ATP2B4: variants seen among roughly 807,000 people sequenced by gnomAD.
ATP2B4 encodes ATPase plasma membrane Ca2+ transporting 4, also known as plasma membrane calcium-transporting ATPase 4.
Under a neutral mutation model 110.3 loss-of-function variants are expected in ATP2B4, and 39 were observed. The observed-to-expected ratio is 0.35, with a 90% CI of 0.27 to 0.46. The LOEUF is 0.46. Among genes scored for constraint, ATP2B4 ranks in the 20% least tolerant of loss-of-function variants. The pLI, the probability that ATP2B4 is intolerant of heterozygous loss-of-function variation, is 1.00. For synonymous variants in ATP2B4, 538 were observed against 571.7 expected (o/e 0.94, Z 0.84); for missense variants, 1,135 against 1,530.9 (o/e 0.74, Z 4.32).
intron 1 of ATP2B4, among the ~76,000 whole-genome samples, chr1:203,636,028 T>C (rs1247912075): frequency 6.6e-6 from 1 of 152,192 alleles, no homozygotes; most frequent in East Asian, 1.9e-4. Flanking sequence ...TCTCCCACCA[T>C]GCCATGGGGC....
In ATP2B4 at chr1:203,709,352, T is replaced by G. The variant is rs1665938271; in HGVS notation, c.1609T>G (p.Cys537Gly). 6.2e-7 allele frequency: 1 copy of G among 1,613,920 alleles called. No individual in the cohort carries two copies. The change falls in exon 11 of 21, where the codon TGT becomes GGT. Residue 537 changes from cysteine (C) to glycine (G), a missense_variant. Physicochemically the swap from Cys to Gly is radical, Grantham distance 159 (BLOSUM62 -3). Transcript: ENST00000357681. ...LPRQVGNKTE[C>G]ALLGFVTDLK... Reference sequence around the variant, plus strand: ...TCGGCAGGTGGGCAACAAGACCGAGTGTGCTCTGCTAGGCTTTGTCACAGA... The same window carrying G: ...TCGGCAGGTGGGCAACAAGACCGAGGGTGCTCTGCTAGGCTTTGTCACAGA...
intron 1 of ATP2B4, among the ~76,000 whole-genome samples, chr1:203,653,985 A>ATATTTT (rs1426863910): frequency 2.7e-5 from 3 of 112,442 alleles, no homozygotes; most frequent in African/African-American, 1.2e-4. Flanking sequence ...ATATATATAT[A>ATATTTT]TTTTTTTTTT....
rs142849265 is a variant in ATP2B4 at position 203,711,412 on chromosome 1, A to G, written c.2031+304A>G. On this transcript the variant is annotated intron_variant, in intron 12 of 20. Coordinates refer to ENST00000357681, the MANE Select transcript of ATP2B4 (RefSeq NM_001684.5). Reference sequence around the variant, plus strand: ...GTCTTTAGCTCCCTCCTTTCAATCAACACATTCTTTTTGAGTACCTGCTGT... The same window carrying G: ...GTCTTTAGCTCCCTCCTTTCAATCAGCACATTCTTTTTGAGTACCTGCTGT... Among the ~76,000 whole-genome samples, 291 of 152,266 alleles carry G rather than the reference A, an allele frequency of 1.9e-3. 1 individual carries two copies. Among genetic ancestry groups the G allele is most frequent in the African/African-American group, 6.6e-3 (276 of 41,556 alleles).
At chr1:203,679,977 C>A (rs1233562276) in intron 1 of ATP2B4, among the ~76,000 whole-genome samples, 1 of 151,440 alleles carries the variant, frequency 6.6e-6, no homozygotes, top group African/African-American at 2.4e-5. Context: ...GGGAGAATCA[C>A]TTGAACCTGG....
intron 1 of ATP2B4, among the ~76,000 whole-genome samples, chr1:203,670,272 C>T (rs780826496): frequency 2.6e-5 from 4 of 151,968 alleles, no homozygotes; most frequent in African/African-American, 9.7e-5. Flanking sequence ...TCCATCTTCC[C>T]GGTTCAAGTG....
At chr1:203,668,820 G>A (rs1020896562) in intron 1 of ATP2B4, among the ~76,000 whole-genome samples, 2 of 152,198 alleles carry the variant, frequency 1.3e-5, no homozygotes, top group Non-Finnish European at 2.9e-5. Context: ...AATCCAATTA[G>A]GCTGTCCCTG....
intron 2 of ATP2B4, among the ~76,000 whole-genome samples, chr1:203,686,685 C>CTTTT (rs779048789): frequency 0.011 from 459 of 42,756 alleles, 59 homozygotes; most frequent in African/African-American, 0.042. Context: ...TCTTTTCTTT[C>CTTTT]TTTTTTTTTT....
intron 20 of ATP2B4, among the ~76,000 whole-genome samples, chr1:203,734,084 G>C (rs1297000971): frequency 6.6e-6 from 1 of 152,128 alleles, no homozygotes; most frequent in African/African-American, 2.4e-5. Flanking sequence ...AGCAGATCAC[G>C]AGGTCAGGAG....
At chr1:203,631,729 A>C (rs1202562297) in intron 1 of ATP2B4, among the ~76,000 whole-genome samples, 1 of 152,182 alleles carries the variant, frequency 6.6e-6, no homozygotes, top group Non-Finnish European at 1.5e-5. Context: ...TCCTACGTCT[A>C]GGAATTTATC....
chr1:203,655,919 T>C (rs976707301), intron 1 of ATP2B4, among the ~76,000 whole-genome samples: 2 of 152,022 alleles, frequency 1.3e-5, no homozygotes, highest in African/African-American at 4.8e-5. Flanking sequence ...TTTGTTTTGT[T>C]TCTGAGACGG....
Position 203,720,602 on chromosome 1 carries a change from T to C in ATP2B4, c.2460T>C (p.Asp820=). Residue 820 remains aspartate (D), a synonymous_variant, in exon 16 of 21, where the codon GAT becomes GAC. Coordinates refer to ENST00000357681, the MANE Select transcript of ATP2B4 (RefSeq NM_001684.5). ...AGGCTTCAGACATCATCCTAACAGA[T>C]GACAACTTCACCAGCATTGTGAAGG... ...AKEASDIILT[D]DNFTSIVKAV... 1 of 1,613,922 alleles carries C rather than the reference T, an allele frequency of 6.2e-7. No homozygotes were observed. Among genetic ancestry groups the C allele is most frequent in the Non-Finnish European group, 8.5e-7 (1 of 1,179,838 alleles).
rs1462037110 is a variant in ATP2B4 at position 203,682,904 on chromosome 1, T to C, written c.-302T>C. ...GTCTAAGCTAGGAACCTACCTACCCTGGACAACTACTATCATCACCACCTG... is the reference window on the plus strand; with the variant it reads ...GTCTAAGCTAGGAACCTACCTACCCCGGACAACTACTATCATCACCACCTG... On this transcript the variant is annotated 5_prime_UTR_variant, in exon 2 of 21. Coordinates refer to ENST00000357681, the MANE Select transcript of ATP2B4 (RefSeq NM_001684.5). The C allele has an allele frequency of 5.8e-5, 16 of 277,608 alleles. No homozygotes were observed. The highest frequency in any genetic ancestry group is 1.1e-4 in the Non-Finnish European group (16 of 145,894). 17.2% of individuals were successfully genotyped at this position (277,608 alleles called of 1,614,324 possible). A position where few individuals can be genotyped will look rare whatever the true frequency, so the allele number is the denominator to read the frequency against.
chr1:203,656,380 G>A (rs1167816457), intron 1 of ATP2B4, among the ~76,000 whole-genome samples: 6 of 152,002 alleles, frequency 3.9e-5, no homozygotes, highest in African/African-American at 1.5e-4. Flanking sequence ...GATTCAAGTA[G>A]AAAACAGTGC....
chr1:203,733,418 A>G, intron 20 of ATP2B4: 1 of 1,594,398 alleles, frequency 6.3e-7, no homozygotes, highest in Non-Finnish European at 8.6e-7. Context: ...ATAGTCTATT[A>G]TGATGCATGA....
At chr1:203,735,710 C>T (rs1348578765) in intron 20 of ATP2B4, among the ~76,000 whole-genome samples, 2 of 152,140 alleles carry the variant, frequency 1.3e-5, no homozygotes, top group African/African-American at 4.8e-5. Context: ...TAAGTCTTGC[C>T]CTGCAAGTAT....
intron 1 of ATP2B4, among the ~76,000 whole-genome samples, chr1:203,655,556 G>A (rs1664135293): frequency 6.6e-6 from 1 of 152,100 alleles, no homozygotes; most frequent in African/African-American, 2.4e-5. Context: ...TGAGGCAGGA[G>A]AATTGCTTGA....
intron 1 of ATP2B4, among the ~76,000 whole-genome samples, chr1:203,634,011 T>C (rs1052677042): frequency 7.2e-5 from 11 of 152,182 alleles, no homozygotes; most frequent in African/African-American, 1.9e-4. Context: ...GATCACACTA[T>C]TGCACTCCAG....
At chr1:203,695,605 G>T (rs967277705) in intron 2 of ATP2B4, among the ~76,000 whole-genome samples, 3 of 152,088 alleles carry the variant, frequency 2.0e-5, no homozygotes, top group Middle Eastern at 3.2e-3. Context: ...ACCAGCCCCT[G>T]TGTCTCTCTC....
chr1:203,653,445 T>C (rs987166433), intron 1 of ATP2B4, among the ~76,000 whole-genome samples: 1 of 152,208 alleles, frequency 6.6e-6, no homozygotes, highest in African/African-American at 2.4e-5. Flanking sequence ...CAACAGATTT[T>C]AATGTAGGCA....
Sources: allele counts gnomAD v4.1 joint callset (sites outside exome capture counted in the v4.1 genomes callset), GRCh38; gene constraint gnomAD v4.1.1; transcripts MANE v1.5; gene names NCBI Gene and HGNC (gene_info 2026-07-23, HGNC 2026-07-21).